ATP8B4: variants seen among roughly 807,000 people sequenced by gnomAD.
ATP8B4 encodes the protein probable phospholipid-transporting ATPase IM.
In ATP8B4, 133 loss-of-function variants were observed where a neutral mutation model predicts 145.6. That is an observed-to-expected ratio of 0.91 (90% CI 0.79 to 1.05). The LOEUF is 1.05. ATP8B4 is among the 50% of genes least tolerant of loss of function. ATP8B4 has a pLI of 0.00. For synonymous variants in ATP8B4, 507 were observed against 492.9 expected, an observed-to-expected ratio of 1.03 and a Z score of -0.38; for missense variants, 1,458 against 1,425.2, an observed-to-expected ratio of 1.02 and a Z score of -0.37.
At chr15:49,868,527 ATAGT>A (rs1426421468) in intron 25 of ATP8B4, among the ~76,000 whole-genome samples, 9 of 152,216 alleles carry the variant, frequency 5.9e-5, no homozygotes, top group Admixed American at 1.3e-4. Flanking sequence ...ATTCTTGTAA[ATAGT>A]TAGTTCTAGA....
At chr15:49,894,663 A>G (rs1041936663) in intron 23 of ATP8B4, among the ~76,000 whole-genome samples, 1 of 152,176 alleles carries the variant, frequency 6.6e-6, no homozygotes, top group African/African-American at 2.4e-5. Flanking sequence ...CCGCATTTAG[A>G]TCTTAAGACC....
intron 6 of ATP8B4, among the ~76,000 whole-genome samples, chr15:50,012,536 C>A (rs2048792395): frequency 6.6e-6 from 1 of 152,122 alleles, no homozygotes; most frequent in East Asian, 1.9e-4. Context: ...CATCAATAAC[C>A]TTTACAATGG....
intron 4 of ATP8B4, among the ~76,000 whole-genome samples, chr15:50,046,407 A>T (rs1255091287): frequency 2.0e-5 from 3 of 152,216 alleles, no homozygotes; most frequent in African/African-American, 4.8e-5. Context: ...ACAAAAACAA[A>T]AACAAAACAA....
At chr15:49,910,546 T>C (rs538480853) in intron 20 of ATP8B4, among the ~76,000 whole-genome samples, 1 of 152,272 alleles carries the variant, frequency 6.6e-6, no homozygotes, top group South Asian at 2.1e-4. Context: ...TGATACATTA[T>C]AGTCAAACTG....
At chr15:50,179,131 G>A (rs2044807330) in intron 1 of ATP8B4, among the ~76,000 whole-genome samples, 1 of 152,098 alleles carries the variant, frequency 6.6e-6, no homozygotes, top group African/African-American at 2.4e-5. Flanking sequence ...CGCTTGAAAA[G>A]GAACAGTTAG....
rs1043230111 is a variant in ATP8B4, at chr15:49,970,195, C to T, written c.1243+2387G>A. 2.0e-5 allele frequency among the ~76,000 whole-genome samples: 3 copies of T among 152,132 alleles called. No individual in the cohort carries two copies. In the South Asian group the frequency reaches 6.2e-4, roughly 31 times the overall value. ...GAATGGGCAAAAGCTGGAAGCATTCCCTTTGAAAACCAGCACAAGACAAGG... is the reference window on the plus strand; with the variant it reads ...GAATGGGCAAAAGCTGGAAGCATTCTCTTTGAAAACCAGCACAAGACAAGG... On this transcript the variant is annotated intron_variant, in intron 13 of 27. Transcript: ENST00000284509.
At chr15:49,998,238 C>G (rs1286013029) in intron 8 of ATP8B4, among the ~76,000 whole-genome samples, 1 of 152,126 alleles carries the variant, frequency 6.6e-6, no homozygotes, top group Non-Finnish European at 1.5e-5. Flanking sequence ...AAAGTATTTT[C>G]CTTTGGGTAT....
Position 49,876,350 on chromosome 15 carries a change from C to T in ATP8B4, c.2955G>A (p.Gly985=). The T allele has an allele frequency of 6.2e-7, 1 of 1,614,080 alleles. No individual in the cohort carries two copies. Among genetic ancestry groups the T allele is most frequent in the Non-Finnish European group, 8.5e-7 (1 of 1,179,972 alleles). ...AGGACTGGTAGTCAGCAATATGTTG[C>T]CCATCTTCTCCAGCCACGTTGTAAA... ...GAFYNVAGED[G]QHIADYQSFA... The change falls in exon 25 of 28, where the codon GGG becomes GGA. Residue 985 remains glycine, a synonymous_variant. Coordinates refer to ENST00000284509, the MANE Select transcript of ATP8B4 (RefSeq NM_024837.4).
chr15:49,948,903 G>C (rs1467058739), intron 14 of ATP8B4, among the ~76,000 whole-genome samples: 1 of 151,974 alleles, frequency 6.6e-6, no homozygotes, highest in African/African-American at 2.4e-5. Context: ...TATTGCCTAG[G>C]TTTTCTTCTG....
At chr15:50,030,615 C>T (rs2050360937) in intron 6 of ATP8B4, among the ~76,000 whole-genome samples, 1 of 152,026 alleles carries the variant, frequency 6.6e-6, no homozygotes, top group African/African-American at 2.4e-5. Flanking sequence ...TGAAATAAAC[C>T]CCCTCAATTT....
At chr15:50,152,888 C>A (rs2044364938) in intron 1 of ATP8B4, among the ~76,000 whole-genome samples, 1 of 152,078 alleles carries the variant, frequency 6.6e-6, no homozygotes, top group African/African-American at 2.4e-5. Context: ...GGTTTTTAGG[C>A]CAGTTACCAA....
intron 2 of ATP8B4, among the ~76,000 whole-genome samples, chr15:50,085,937 T>TATGATATATATCATA (rs1567331077): frequency 2.7e-4 from 19 of 71,654 alleles, no homozygotes; most frequent in Middle Eastern, 0.02. Context: ...TCATATATAT[T>TATGATATATATCATA]TATATATGAT....
chr15:50,034,228 GT>G (rs35916300), intron 6 of ATP8B4, among the ~76,000 whole-genome samples: 58,755 of 123,676 alleles, frequency 0.48, 12,629 homozygotes, highest in East Asian at 0.58. Flanking sequence ...TCCTTTCCTT[GT>G]TTTTTTTTTT....
chr15:50,137,423 C>G (rs1486561720), intron 1 of ATP8B4, among the ~76,000 whole-genome samples: 1 of 152,234 alleles, frequency 6.6e-6, no homozygotes, highest in Non-Finnish European at 1.5e-5. Flanking sequence ...AGGAGAGCCA[C>G]TGTGTCCTTT....
intron 7 of ATP8B4, chr15:50,009,580 A>G: frequency 4.9e-6 from 2 of 408,800 alleles, no homozygotes; most frequent in Non-Finnish European, 9.6e-6. Flanking sequence ...CCAGTTCCCC[A>G]TCTAGTGCCC....
chr15:50,094,027 A>C (rs1440085714), intron 2 of ATP8B4, among the ~76,000 whole-genome samples: 1 of 152,186 alleles, frequency 6.6e-6, no homozygotes, highest in African/African-American at 2.4e-5. Flanking sequence ...CACAAATTCA[A>C]AAATATCTTG....
chr15:50,078,242 A>T (rs1014472336), intron 2 of ATP8B4, among the ~76,000 whole-genome samples: 2 of 151,354 alleles, frequency 1.3e-5, no homozygotes, highest in Non-Finnish European at 2.9e-5. Context: ...ATGCAGTGGC[A>T]CAATTGTAGT....
chr15:49,924,081 A>C (rs2040495503), intron 16 of ATP8B4, among the ~76,000 whole-genome samples: 1 of 152,104 alleles, frequency 6.6e-6, no homozygotes, highest in African/African-American at 2.4e-5. Context: ...GGCTTTTAAA[A>C]ATAAAGTTTC....
At chr15:49,885,237 A>G (rs1203967632) in intron 23 of ATP8B4, among the ~76,000 whole-genome samples, 2 of 152,152 alleles carry the variant, frequency 1.3e-5, no homozygotes, top group African/African-American at 2.4e-5. Flanking sequence ...GGACATTTGC[A>G]CTGGCTGTAC....
Sources: gnomAD v4.1 joint callset for allele counts (sites outside exome capture counted in the v4.1 genomes callset) on GRCh38, gnomAD v4.1.1 for gene constraint, MANE v1.5 for transcripts, NCBI Gene and HGNC (gene_info 2026-07-23, HGNC 2026-07-21) for gene names.